LSM4: variants seen among roughly 807,000 people sequenced by gnomAD.
The protein encoded by LSM4 is LSM4 homolog, U6 small nuclear RNA and mRNA degradation associated.
In LSM4, 15 loss-of-function variants were observed where a neutral mutation model predicts 22.3. That is an observed-to-expected ratio of 0.67 (90% CI 0.45 to 1.03). The LOEUF (loss-of-function observed/expected upper bound fraction) is 1.03, where lower values mean the gene tolerates loss of function less well. Among genes scored for constraint, LSM4 ranks in the 50% least tolerant of loss-of-function variants. The pLI, the probability that LSM4 is intolerant of heterozygous loss-of-function variation, is 0.00. For missense variants in LSM4, 127 were observed against 198.0 expected, an observed-to-expected ratio of 0.64 and a Z score of 2.15; for synonymous variants, 90 against 79.8, an observed-to-expected ratio of 1.13 and a Z score of -0.68.
chr19:18,315,759 C>T (rs980629631), intron 2 of LSM4, among the ~76,000 whole-genome samples: 1 of 151,826 alleles, frequency 6.6e-6, no homozygotes, highest in Admixed American at 6.6e-5. Flanking sequence ...TGAGCTCAAG[C>T]GATCCTCCTG....
At chr19:18,321,116 G>GA (rs1568300630) in intron 1 of LSM4, among the ~76,000 whole-genome samples, 3 of 152,352 alleles carry the variant, frequency 2.0e-5, no homozygotes, top group African/African-American at 4.8e-5. Flanking sequence ...ACTCCTCCAG[G>GA]AAACAGCTGG....
intron 3 of LSM4, among the ~76,000 whole-genome samples, chr19:18,310,765 T>C (rs1970289978): frequency 6.6e-6 from 1 of 152,098 alleles, no homozygotes; most frequent in Non-Finnish European, 1.5e-5. Context: ...CCCTCCAGCC[T>C]GGGGGCAAGG....
chr19:18,316,223 C>T (rs1220815760), intron 1 of LSM4, 158 bp from the exon 2 acceptor site: 1 of 596,960 alleles, frequency 1.7e-6, no homozygotes, highest in Admixed American at 2.6e-5. Context: ...TTTCCTCACT[C>T]TGCCCAGCCC....
At chr19:18,310,410 T>A (rs1970286015) in intron 3 of LSM4, among the ~76,000 whole-genome samples, 1 of 152,114 alleles carries the variant, frequency 6.6e-6, no homozygotes, top group African/African-American at 2.4e-5. Context: ...GCTACAGGCC[T>A]AGTGTGGTGG....
Position 18,314,867 on chromosome 19 carries a change from TG to T in LSM4, c.45+1156del, listed in dbSNP as rs1348770105. ...ATGCCACTAAATTGTGCACTTTAAC[TG>T]AAGTGTTAGTATGTAATATTATCCT... is the stretch of plus-strand genomic sequence containing the variant. On this transcript the variant is annotated intron_variant, in intron 2 of 4. Transcript: ENST00000593829. 1.3e-5 allele frequency among the ~76,000 whole-genome samples: 2 copies of T among 151,138 alleles called. 1 individual carries two copies. Among genetic ancestry groups the T allele is most frequent in the African/African-American group, 4.8e-5 (2 of 41,458 alleles).
In LSM4 at chr19:18,306,995, CGAAGGCTT is replaced by C. The variant is rs1555704979; in HGVS notation, c.*461_*468del. The stretch of plus-strand genomic sequence containing the variant: ...GGCCCGAGGCATCCCCTGCACGGTT[CGAAGGCTT>C]TCAACCGTCCCGGGTTTGTTTTGAA... On this transcript the variant is annotated 3_prime_UTR_variant, in exon 5 of 5. Transcript: ENST00000593829. The C allele has an allele frequency of 6.4e-6, 1 of 156,548 alleles. No individual in the cohort carries two copies. The highest frequency in any genetic ancestry group is 1.4e-5 in the Non-Finnish European group (1 of 71,210). 9.7% of individuals were successfully genotyped at this position (156,548 alleles called of 1,614,324 possible). A position where few individuals can be genotyped will look rare whatever the true frequency, so the allele number is the denominator to read the frequency against.
chr19:18,319,102 C>T (rs971633144), intron 1 of LSM4, among the ~76,000 whole-genome samples: 3 of 151,678 alleles, frequency 2.0e-5, no homozygotes, highest in Admixed American at 6.6e-5. Context: ...ATTAGCTGGG[C>T]GTGGTGGTAG....
chr19:18,317,858 A>G (rs1970376413), intron 1 of LSM4, among the ~76,000 whole-genome samples: 1 of 152,078 alleles, frequency 6.6e-6, no homozygotes. Flanking sequence ...ATCATTACTG[A>G]ATTTCTTTAT....
intron 2 of LSM4, among the ~76,000 whole-genome samples, chr19:18,314,397 T>C (rs1309595937): frequency 2.0e-5 from 3 of 150,832 alleles, no homozygotes; most frequent in African/African-American, 7.3e-5. Context: ...CGTGGTGGCG[T>C]GTACCTGTAG....
chr19:18,314,886 AT>A (rs1167663699), intron 2 of LSM4, among the ~76,000 whole-genome samples: 1 of 132,316 alleles, frequency 7.6e-6, no homozygotes, highest in Non-Finnish European at 1.7e-5. Context: ...AGTATGTAAT[AT>A]TATCCTTTTT....
chr19:18,306,760 T>A lies in LSM4; in HGVS notation c.*704A>T, dbSNP rs1029056363. The A allele has an allele frequency of 2.6e-5, 4 of 152,184 alleles. No homozygotes were observed. The highest frequency in any genetic ancestry group is 5.9e-5 in the Non-Finnish European group (4 of 68,032). The allele number at this position is 152,184 out of a possible 1,614,324, so 9.4% of individuals were successfully genotyped here. A position where few individuals can be genotyped will look rare whatever the true frequency, so the allele number is the denominator to read the frequency against. On this transcript the variant is annotated 3_prime_UTR_variant, in exon 5 of 5. Transcript: ENST00000593829. ...TGGTCTTGCCTTTTGTAAAAGGACA[T>A]CAGTGCCTCACTGTGCCGCTGACAC... is the stretch of plus-strand genomic sequence containing the variant.
At chr19:18,309,406 A>G in intron 4 of LSM4, 1 of 493,094 alleles carries the variant, frequency 2.0e-6, no homozygotes, top group Non-Finnish European at 3.6e-6. Flanking sequence ...ACAGATGGGC[A>G]CCACCATACC....
chr19:18,307,785 GC>G (rs1970246612), intron 4 of LSM4, among the ~76,000 whole-genome samples: 1 of 38,766 alleles, frequency 2.6e-5, no homozygotes, highest in Admixed American at 2.6e-4. Flanking sequence ...CCCCAGGGAT[GC>G]GGGGGGGGGG....
At chr19:18,307,788 G>A (rs906206302) in intron 4 of LSM4, among the ~76,000 whole-genome samples, 4 of 3,576 alleles carry the variant, frequency 1.1e-3, no homozygotes, top group African/African-American at 7.1e-3. Context: ...CAGGGATGCG[G>A]GGGGGGGGGA....
At chr19:18,318,257 G>A (rs557217701) in intron 1 of LSM4, among the ~76,000 whole-genome samples, 1 of 152,366 alleles carries the variant, frequency 6.6e-6, no homozygotes, top group African/African-American at 2.4e-5. Context: ...CCCTGGCCGG[G>A]TGGCTCCCCA....
Position 18,307,483 on chromosome 19 carries a change from C to A in LSM4, c.401G>T (p.Arg134Ile). The A allele has an allele frequency of 6.4e-7, 1 of 1,552,308 alleles. No individual in the cohort carries two copies. The highest frequency in any genetic ancestry group is 8.7e-7 in the Non-Finnish European group (1 of 1,149,676). Reference sequence around the variant, plus strand: ...GGGCGCTCACTGTTTGCCCGCCTGTCTGCCAGGCTTCTTCTCTGGCTGGCC... The same window carrying A: ...GGGCGCTCACTGTTTGCCCGCCTGTATGCCAGGCTTCTTCTCTGGCTGGCC... ...GRGQPEKKPGRQAGKQ is the reference protein window; with the variant it reads ...GRGQPEKKPGIQAGKQ Residue 134 changes from arginine (R) to isoleucine (I), a missense_variant, in exon 5 of 5, where the codon AGA becomes ATA. By Grantham distance (97) the Arg-to-Ile change is moderately conservative. Transcript: ENST00000593829.
chr19:18,311,922 C>T (rs1381298130), intron 3 of LSM4, among the ~76,000 whole-genome samples: 3 of 152,178 alleles, frequency 2.0e-5, no homozygotes, highest in Non-Finnish European at 4.4e-5. Context: ...CTCCCTATAC[C>T]ATGGGGGGCT....
At chr19:18,315,670 T>C (rs1970346020) in intron 2 of LSM4, among the ~76,000 whole-genome samples, 1 of 152,004 alleles carries the variant, frequency 6.6e-6, no homozygotes, top group Non-Finnish European at 1.5e-5. Flanking sequence ...GTCTCCTGAG[T>C]AGCTGTGACT....
intron 1 of LSM4, among the ~76,000 whole-genome samples, chr19:18,316,820 A>G (rs938796231): frequency 1.3e-5 from 2 of 152,180 alleles, no homozygotes; most frequent in Admixed American, 6.5e-5. Context: ...TGAAGCAAGC[A>G]CAAGACCATG....
Sources: allele counts gnomAD v4.1 joint callset (sites outside exome capture counted in the v4.1 genomes callset), GRCh38; gene constraint gnomAD v4.1.1; transcripts MANE v1.5; gene names NCBI Gene and HGNC (gene_info 2026-07-23, HGNC 2026-07-21).